BCAS3: variants seen among roughly 807,000 people sequenced by gnomAD.
The protein encoded by BCAS3 is BCAS3 microtubule associated cell migration factor.
In BCAS3, 53 loss-of-function variants were observed where a neutral mutation model predicts 116.1. The observed-to-expected ratio is 0.46, with a 90% CI of 0.37 to 0.57. The LOEUF is 0.57. BCAS3 is among the 20% of genes least tolerant of loss of function. The pLI is 0.00. For synonymous variants in BCAS3, 391 were observed against 408.2 expected (o/e 0.96, Z 0.51); for missense variants, 917 against 1,165.4 (o/e 0.79, Z 3.10).
chr17:60,848,049 AT>A (rs1277639473), intron 7 of BCAS3, among the ~76,000 whole-genome samples: 2 of 152,302 alleles, frequency 1.3e-5, no homozygotes, highest in Admixed American at 1.3e-4. Context: ...TCCCAACATA[AT>A]TTACTGAAGA....
rs914463630 is a variant in BCAS3, at chr17:61,286,962, A to G, written c.2426-81365A>G. ...ATGGTCTTTACACCTAAAGAGCTCT[A>G]TGGAGGCCAGGCGTGGTGGCTCGCG... On this transcript the variant is annotated intron_variant, in intron 22 of 23. Coordinates refer to ENST00000407086, the MANE Select transcript of BCAS3 (RefSeq NM_017679.5). This position sits in a 1 kb window ranked among gnomAD's most constrained non-coding sequence, Gnocchi z 4.8. 2.0e-5 allele frequency among the ~76,000 whole-genome samples: 3 copies of G among 152,226 alleles called. No homozygotes were observed. The highest frequency in any genetic ancestry group is 4.1e-4 in the South Asian group (2 of 4,828).
At chr17:61,172,852 G>T (rs1043381414) in intron 22 of BCAS3, among the ~76,000 whole-genome samples, 1 of 151,794 alleles carries the variant, frequency 6.6e-6, no homozygotes, top group Admixed American at 6.6e-5. Flanking sequence ...GCCGGGCGTG[G>T]CGGTGGGCAC....
intron 4 of BCAS3, among the ~76,000 whole-genome samples, chr17:60,696,087 G>A (rs948541432): frequency 6.6e-6 from 1 of 152,126 alleles, no homozygotes; most frequent in East Asian, 1.9e-4. Flanking sequence ...ATGATTATAT[G>A]ATACAATCAA....
intron 5 of BCAS3, among the ~76,000 whole-genome samples, chr17:60,719,539 T>C (rs2039016944): frequency 6.6e-6 from 1 of 152,354 alleles, no homozygotes; most frequent in East Asian, 1.9e-4. Context: ...TCTGTGATTA[T>C]TAACATTCAT....
rs1045276769 is a variant in BCAS3 at position 60,964,404 on chromosome 17, A to T, written c.1221+17052A>T. Among the ~76,000 whole-genome samples the T allele has an allele frequency of 1.3e-5, 2 of 152,120 alleles. No individual in the cohort carries two copies. Among genetic ancestry groups the T allele is most frequent in the Non-Finnish European group, 2.9e-5 (2 of 68,030 alleles). On this transcript the variant is annotated intron_variant, in intron 14 of 23. Transcript: ENST00000407086. The surrounding 1 kb of genome is among the most constrained non-coding windows in gnomAD (Gnocchi z 4.6). ...TGAATCCCATTTGATATTATAAATG[A>T]TCTTTTTAGTGTGTTGTTGAATTCT...
At chr17:61,334,227 A>C (rs1330644914) in intron 22 of BCAS3, among the ~76,000 whole-genome samples, 2 of 152,326 alleles carry the variant, frequency 1.3e-5, no homozygotes, top group East Asian at 3.9e-4. Flanking sequence ...ATGGGGATCA[A>C]TAGTTACTTC....
At chr17:60,959,694 A>G (rs1286474840) in intron 14 of BCAS3, among the ~76,000 whole-genome samples, 1 of 152,194 alleles carries the variant, frequency 6.6e-6, no homozygotes, top group Non-Finnish European at 1.5e-5. Flanking sequence ...AGATTTACTC[A>G]ATGGTTTTTT....
In BCAS3 at chr17:61,126,289, C is replaced by T; in HGVS notation, c.2425+41725C>T. ...AGTATATTTGCAAATTCTGAATTTA[C>T]ATATCACCTTGAGAAAATGTGAGGC... On this transcript the variant is annotated intron_variant, in intron 22 of 23. Coordinates refer to ENST00000407086, the MANE Select transcript of BCAS3 (RefSeq NM_017679.5). The surrounding 1 kb of genome is among the most constrained non-coding windows in gnomAD (Gnocchi z 4.6). Among the ~76,000 whole-genome samples, 1 of 152,032 alleles carries T rather than the reference C, an allele frequency of 6.6e-6. No homozygotes were observed. The highest frequency in any genetic ancestry group is 1.5e-5 in the Non-Finnish European group (1 of 67,984).
rs573360534 is a variant in BCAS3, at chr17:60,960,792, T to G, written c.1221+13440T>G. On this transcript the variant is annotated intron_variant, in intron 14 of 23. Coordinates refer to ENST00000407086, the MANE Select transcript of BCAS3 (RefSeq NM_017679.5). This position sits in a 1 kb window ranked among gnomAD's most constrained non-coding sequence, Gnocchi z 4.1. Reference sequence around the variant, plus strand: ...TTCTTCTTCTTTTTCTTTTTTTTTTTTTAATCATGCCTTTGTGCCTTTCAG... The same window carrying G: ...TTCTTCTTCTTTTTCTTTTTTTTTTGTTAATCATGCCTTTGTGCCTTTCAG... Among the ~76,000 whole-genome samples, 1 of 152,110 alleles carries G rather than the reference T, an allele frequency of 6.6e-6. No homozygotes were observed. Among genetic ancestry groups the G allele is most frequent in the East Asian group, 1.9e-4 (1 of 5,172 alleles).
chr17:60,799,967 G>T (rs1279913682), intron 6 of BCAS3, among the ~76,000 whole-genome samples: 1 of 151,900 alleles, frequency 6.6e-6, no homozygotes, highest in Non-Finnish European at 1.5e-5. Flanking sequence ...TTCCTGGTAT[G>T]GATGTACCAT....
In BCAS3 at chr17:61,034,538, T is replaced by G; in HGVS notation, c.1638-128T>G. 1.2e-6 allele frequency: 1 copy of G among 800,552 alleles called. No individual in the cohort carries two copies. The highest frequency in any genetic ancestry group is 2.1e-5 in the South Asian group (1 of 47,842). 49.6% of individuals were successfully genotyped at this position (800,552 alleles called of 1,614,324 possible). A position where few individuals can be genotyped will look rare whatever the true frequency, so the allele number is the denominator to read the frequency against. On this transcript the variant is annotated intron_variant, in intron 16 of 23. Transcript: ENST00000407086. The surrounding 1 kb of genome is among the most constrained non-coding windows in gnomAD (Gnocchi z 5.0). ...TAGTCTCACATCACCATTTATTACT[T>G]AAGGCAAAATGCATGTTCATACTGG... is the stretch of plus-strand genomic sequence containing the variant.
intron 7 of BCAS3, among the ~76,000 whole-genome samples, chr17:60,823,674 T>C (rs1341381499): frequency 6.6e-6 from 1 of 152,218 alleles, no homozygotes; most frequent in Non-Finnish European, 1.5e-5. Flanking sequence ...GAACTGGTTT[T>C]TTGTTCTAGG....
Position 61,118,256 on chromosome 17 carries a change from T to G in BCAS3, c.2425+33692T>G, listed in dbSNP as rs778321518. ...CACTACTGTTACCACCCAATCAGGTTACTACTTGGGAGAGATGGAAGTCCC... is the reference window on the plus strand; with the variant it reads ...CACTACTGTTACCACCCAATCAGGTGACTACTTGGGAGAGATGGAAGTCCC... On this transcript the variant is annotated intron_variant, in intron 22 of 23. Transcript: ENST00000407086. This position sits in a 1 kb window ranked among gnomAD's most constrained non-coding sequence, Gnocchi z 5.0. Among the ~76,000 whole-genome samples the G allele has an allele frequency of 1.3e-5, 2 of 152,210 alleles. No homozygotes were observed. Among genetic ancestry groups the G allele is most frequent in the Non-Finnish European group, 2.9e-5 (2 of 68,028 alleles).
chr17:60,920,887 A>G (rs2059044216), intron 12 of BCAS3, among the ~76,000 whole-genome samples: 2 of 94,966 alleles, frequency 2.1e-5, no homozygotes, highest in African/African-American at 6.7e-5. Context: ...AACAACAACA[A>G]CAACAACAAC....
chr17:60,831,029 A>G (rs1404961071), intron 7 of BCAS3, among the ~76,000 whole-genome samples: 2 of 151,586 alleles, frequency 1.3e-5, no homozygotes, highest in Admixed American at 6.6e-5. Flanking sequence ...GTCCCACCAG[A>G]CTCGGCTAGA....
chr17:61,152,382 CA>C, intron 22 of BCAS3, among the ~76,000 whole-genome samples: 1 of 152,194 alleles, frequency 6.6e-6, no homozygotes, highest in Non-Finnish European at 1.5e-5. Flanking sequence ...CTGATTGGTG[CA>C]TTTTACAATC....
At chr17:60,868,733 C>A in intron 8 of BCAS3, 50 bp downstream of exon 8, 1 of 1,157,008 alleles carries the variant, frequency 8.6e-7, no homozygotes, top group Non-Finnish European at 1.2e-6. Flanking sequence ...ACATGCTCTC[C>A]TGGGCATGGA....
Position 61,104,898 on chromosome 17 carries a change from G to A in BCAS3, c.2425+20334G>A, listed in dbSNP as rs867098075. ...CTGCAAAAAAGATTTCCTGGTAGAA[G>A]TAAGTAGTGTCTTTTGCTAGTGTAC... On this transcript the variant is annotated intron_variant, in intron 22 of 23. Transcript: ENST00000407086. The surrounding 1 kb of genome is among the most constrained non-coding windows in gnomAD (Gnocchi z 4.1). Among the ~76,000 whole-genome samples the A allele has an allele frequency of 2.0e-5, 3 of 152,208 alleles. No homozygotes were observed. The highest frequency in any genetic ancestry group is 6.5e-5 in the Admixed American group (1 of 15,272).
intron 9 of BCAS3, 101 bp downstream of exon 9, chr17:60,874,839 T>C: frequency 1.6e-6 from 1 of 622,386 alleles, no homozygotes. Context: ...GTACTTAATG[T>C]TTTCAATTTT....
Sources: gnomAD v4.1 joint callset for allele counts (sites outside exome capture counted in the v4.1 genomes callset) on GRCh38, gnomAD v4.1.1 for gene constraint, Gnocchi (gnomAD v3.1) non-coding constraint, MANE v1.5 for transcripts, NCBI Gene and HGNC (gene_info 2026-07-23, HGNC 2026-07-21) for gene names.